The following BAIAP2L1 variants were observed in gnomAD, a reference collection of about 807,000 sequenced individuals.
BAIAP2L1 encodes BAR/IMD domain-containing adapter protein 2-like 1.
In BAIAP2L1, 35 loss-of-function variants were observed where a neutral mutation model predicts 66.3. That is an observed-to-expected ratio of 0.53 (90% CI 0.40 to 0.70). BAIAP2L1 has a LOEUF of 0.70. Among genes scored for constraint, BAIAP2L1 ranks in the 30% least tolerant of loss-of-function variants. The pLI is 0.00. For missense variants in BAIAP2L1, 622 were observed against 656.9 expected (o/e 0.95, Z 0.58); for synonymous variants, 269 against 248.7 (o/e 1.08, Z -0.77).
chr7:98,359,328 A>G (rs1802211946), intron 2 of BAIAP2L1, among the ~76,000 whole-genome samples: 1 of 147,382 alleles, frequency 6.8e-6, no homozygotes, highest in African/African-American at 2.5e-5. Flanking sequence ...GCTGGAGTGC[A>G]ATGGCACGAT....
intron 12 of BAIAP2L1, among the ~76,000 whole-genome samples, chr7:98,303,586 C>T (rs533620571): frequency 1.5e-4 from 23 of 152,314 alleles, no homozygotes; most frequent in Admixed American, 3.9e-4. Context: ...AGGCAGAGTC[C>T]GGCCTTGTTC....
chr7:98,394,301 C>G (rs887011493), intron 1 of BAIAP2L1, among the ~76,000 whole-genome samples: 1 of 152,024 alleles, frequency 6.6e-6, no homozygotes, highest in African/African-American at 2.4e-5. Flanking sequence ...CCCTTTCATG[C>G]ATGCAGTTAT....
At chr7:98,294,187 T>C in intron 12 of BAIAP2L1, 76 bp from the exon 13 acceptor site, 1 of 1,491,996 alleles carries the variant, frequency 6.7e-7, no homozygotes, top group South Asian at 1.2e-5. Context: ...GAGATGGGGA[T>C]TTGCTATGTT....
At chr7:98,362,807 G>A (rs1364265547) in intron 1 of BAIAP2L1, among the ~76,000 whole-genome samples, 4 of 152,162 alleles carry the variant, frequency 2.6e-5, no homozygotes, top group African/African-American at 7.2e-5. Context: ...CGCCTGTGGA[G>A]GATCAGCTAC....
At chr7:98,327,230 G>A (rs921504861) in intron 3 of BAIAP2L1, among the ~76,000 whole-genome samples, 5 of 152,164 alleles carry the variant, frequency 3.3e-5, no homozygotes, top group African/African-American at 1.2e-4. Context: ...GTGTGGTGGT[G>A]CACATCTGTA....
At chr7:98,363,145 C>T (rs1404275549) in intron 1 of BAIAP2L1, among the ~76,000 whole-genome samples, 1 of 150,740 alleles carries the variant, frequency 6.6e-6, no homozygotes, top group African/African-American at 2.4e-5. Flanking sequence ...AGCAATTCTC[C>T]TGCCCCTGCC....
intron 1 of BAIAP2L1, among the ~76,000 whole-genome samples, chr7:98,374,454 C>T (rs1802576196): frequency 6.6e-6 from 1 of 152,118 alleles, no homozygotes; most frequent in Non-Finnish European, 1.5e-5. Context: ...AAGGTCCTAC[C>T]AGCAGCGAGA....
chr7:98,326,552 G>C (rs2115565470), intron 3 of BAIAP2L1, among the ~76,000 whole-genome samples: 1 of 152,236 alleles, frequency 6.6e-6, no homozygotes, highest in African/African-American at 2.4e-5. Flanking sequence ...GCTCATACTG[G>C]GACAACTTGA....
chr7:98,392,671 T>G (rs921518396), intron 1 of BAIAP2L1, among the ~76,000 whole-genome samples: 4 of 152,086 alleles, frequency 2.6e-5, no homozygotes, highest in African/African-American at 9.7e-5. Context: ...TGGAGTCCTG[T>G]GCAGTCATCA....
At chr7:98,348,936 G>C (rs1801937243) in intron 3 of BAIAP2L1, among the ~76,000 whole-genome samples, 1 of 152,248 alleles carries the variant, frequency 6.6e-6, no homozygotes, top group Admixed American at 6.5e-5. Context: ...CAGTCTCAGG[G>C]GAAAGTGAGA....
intron 1 of BAIAP2L1, among the ~76,000 whole-genome samples, chr7:98,388,620 G>T (rs1802952298): frequency 6.6e-6 from 1 of 152,188 alleles, no homozygotes; most frequent in African/African-American, 2.4e-5. Context: ...TGTATCTTAA[G>T]CTGCTCAAAG....
chr7:98,312,115 C>T lies in BAIAP2L1; in HGVS notation c.789G>A (p.Met263Ile), dbSNP rs772700318. 1.2e-5 allele frequency: 20 copies of T among 1,604,706 alleles called. No homozygotes were observed. The highest frequency in any genetic ancestry group is 1.3e-5 in the Non-Finnish European group (15 of 1,176,924). Residue 263 changes from methionine to isoleucine, a missense_variant, in exon 8 of 14, where the codon ATG (methionine) becomes ATA (isoleucine). Physicochemically the swap from Met to Ile is conservative, Grantham distance 10 (BLOSUM62 1). Coordinates refer to ENST00000005260, the MANE Select transcript of BAIAP2L1 (RefSeq NM_018842.5). ...PVSGTPQASP[M>I]IERSNVVRKD... ...CTCCTACCACATTGCTTCTCTCGAT[C>T]ATGGGTGAAGCCTGAGGAGTTCCAG... is the stretch of plus-strand genomic sequence containing the variant.
At chr7:98,384,017 G>A (rs1027832868) in intron 1 of BAIAP2L1, among the ~76,000 whole-genome samples, 1 of 152,116 alleles carries the variant, frequency 6.6e-6, no homozygotes, top group Non-Finnish European at 1.5e-5. Context: ...AGCTGGGCGT[G>A]GTGGCACGTG....
chr7:98,344,354 A>G (rs1198727647), intron 3 of BAIAP2L1, among the ~76,000 whole-genome samples: 1 of 152,258 alleles, frequency 6.6e-6, no homozygotes, highest in Non-Finnish European at 1.5e-5. Context: ...TTCAGCATGA[A>G]AACAACTAGA....
intron 11 of BAIAP2L1, 96 bp downstream of exon 11, chr7:98,306,343 G>A: frequency 6.9e-7 from 1 of 1,439,922 alleles, no homozygotes; most frequent in Non-Finnish European, 9.8e-7. Flanking sequence ...TGAGGCTTAG[G>A]GCAGGGCCTG....
At chr7:98,387,727 C>T (rs1347808414) in intron 1 of BAIAP2L1, among the ~76,000 whole-genome samples, 17 of 151,196 alleles carry the variant, frequency 1.1e-4, no homozygotes, top group African/African-American at 3.4e-4. Context: ...ATTAGCTGGG[C>T]GTGGTGGTGC....
chr7:98,396,379 AAG>A (rs1181813111), intron 1 of BAIAP2L1, among the ~76,000 whole-genome samples: 1 of 152,140 alleles, frequency 6.6e-6, no homozygotes, highest in Non-Finnish European at 1.5e-5. Context: ...TCATTTTATT[AAG>A]AGAGTTTGTT....
intron 12 of BAIAP2L1, among the ~76,000 whole-genome samples, chr7:98,297,163 G>A (rs1321129576): frequency 1.3e-5 from 2 of 152,186 alleles, no homozygotes; most frequent in African/African-American, 4.8e-5. Flanking sequence ...GGCTGACTGC[G>A]GCCAGGGTGG....
At chr7:98,370,012 T>C (rs752828325) in intron 1 of BAIAP2L1, among the ~76,000 whole-genome samples, 3 of 151,856 alleles carry the variant, frequency 2.0e-5, no homozygotes, top group Non-Finnish European at 4.4e-5. Flanking sequence ...CATATAACCC[T>C]AACATCTTAA....
Sources: allele counts gnomAD v4.1 joint callset (sites outside exome capture counted in the v4.1 genomes callset), GRCh38; gene constraint gnomAD v4.1.1; transcripts MANE v1.5; gene names NCBI Gene and HGNC (gene_info 2026-07-23, HGNC 2026-07-21).